The following PLCE1 variants were observed in gnomAD, a reference collection of about 807,000 sequenced individuals.
The protein encoded by PLCE1 is 1-phosphatidylinositol 4,5-bisphosphate phosphodiesterase epsilon-1.
In PLCE1, 119 loss-of-function variants were observed where a neutral mutation model predicts 242.8. That is an observed-to-expected ratio of 0.49 (90% confidence interval 0.42 to 0.57). The LOEUF (loss-of-function observed/expected upper bound fraction) is 0.57. Among genes scored for constraint, PLCE1 ranks in the 20% least tolerant of loss-of-function variants. The pLI, the probability that PLCE1 is intolerant of heterozygous loss-of-function variation, is 0.00. For missense variants in PLCE1, 2,441 were observed against 2,788.8 expected (o/e 0.88, Z 2.81); for synonymous variants, 945 against 1,017.4 (o/e 0.93, Z 1.35).
At chr10:94,207,814 C>A (rs1260829239) in intron 4 of PLCE1, among the ~76,000 whole-genome samples, 1 of 151,818 alleles carries the variant, frequency 6.6e-6, no homozygotes. Flanking sequence ...GGACCAGGTG[C>A]CACTTTGGGA....
chr10:94,008,191 CA>C (rs745999207), intron 1 of PLCE1, among the ~76,000 whole-genome samples: 3,026 of 55,210 alleles, frequency 0.055, 63 homozygotes, highest in African/African-American at 0.17. Flanking sequence ...GACCTTGTCT[CA>C]AAAAAAAAAA....
intron 2 of PLCE1, among the ~76,000 whole-genome samples, chr10:94,063,304 G>A (rs370805724): frequency 6.6e-6 from 1 of 152,074 alleles, no homozygotes; most frequent in Non-Finnish European, 1.5e-5. Flanking sequence ...CTTTCTCGTC[G>A]CTCTGTTCTG....
At chr10:94,201,250 C>A (rs2048976765) in intron 4 of PLCE1, among the ~76,000 whole-genome samples, 1 of 152,132 alleles carries the variant, frequency 6.6e-6, no homozygotes, top group Admixed American at 6.5e-5. Flanking sequence ...ACATCCACAC[C>A]AGCCCTTGTC....
chr10:94,220,381 TATATA>T (rs1208794907), intron 4 of PLCE1, among the ~76,000 whole-genome samples: 1 of 34,876 alleles, frequency 2.9e-5, no homozygotes, highest in African/African-American at 9.6e-5. Flanking sequence ...ACATTTTATA[TATATA>T]TATATATATA....
At chr10:94,119,047 A>G (rs1260738655) in intron 2 of PLCE1, among the ~76,000 whole-genome samples, 1 of 152,232 alleles carries the variant, frequency 6.6e-6, no homozygotes, top group African/African-American at 2.4e-5. Context: ...CTAGACAGGA[A>G]AAGTCCTAAG....
chr10:94,124,720 C>G (rs543166942), intron 2 of PLCE1, among the ~76,000 whole-genome samples: 1 of 152,296 alleles, frequency 6.6e-6, no homozygotes, highest in African/African-American at 2.4e-5. Flanking sequence ...TAATCCGTAT[C>G]TTGGTTTCTT....
intron 2 of PLCE1, chr10:94,081,964 TA>T (rs2044665426): frequency 6.6e-6 from 1 of 152,222 alleles, no homozygotes; most frequent in African/African-American, 2.4e-5. Flanking sequence ...AGAAAACTAA[TA>T]GACTTTGTTT....
intron 2 of PLCE1, among the ~76,000 whole-genome samples, chr10:94,045,424 T>C (rs994558245): frequency 6.6e-6 from 1 of 152,190 alleles, no homozygotes; most frequent in Admixed American, 6.5e-5. Flanking sequence ...GCATGAGCCA[T>C]GGTGTCTGGC....
Position 94,306,350 on chromosome 10 carries a change from G to C in PLCE1, c.5623-77G>C. 2 of 1,611,830 alleles carry C rather than the reference G, an allele frequency of 1.2e-6. No individual in the cohort carries two copies. Among genetic ancestry groups the C allele is most frequent in the South Asian group, 2.2e-5 (2 of 90,750 alleles). On this transcript the variant is annotated intron_variant, in intron 25 of 32. Coordinates refer to ENST00000371380, the MANE Select transcript of PLCE1 (RefSeq NM_016341.4). This position sits in a 1 kb window ranked among gnomAD's most constrained non-coding sequence, Gnocchi z 5.7. ...GTGTTCTTGGGATTCCTTTGCAGAG[G>C]GAAGCAGTGAGGTGCAGAGGTTGTC...
chr10:94,046,669 T>C (rs149093773), intron 2 of PLCE1, among the ~76,000 whole-genome samples: 1 of 152,284 alleles, frequency 6.6e-6, no homozygotes, highest in African/African-American at 2.4e-5. Flanking sequence ...GATCAAATTA[T>C]AACAGCTAAG....
chr10:94,217,800 G>C (rs1309440363), intron 4 of PLCE1, among the ~76,000 whole-genome samples: 1 of 152,136 alleles, frequency 6.6e-6, no homozygotes, highest in East Asian at 1.9e-4. Flanking sequence ...ACTGTCTCTT[G>C]CAAACTGTGG....
chr10:94,170,897 C>A (rs1056805763), intron 3 of PLCE1, among the ~76,000 whole-genome samples: 1 of 152,130 alleles, frequency 6.6e-6, no homozygotes, highest in Non-Finnish European at 1.5e-5. Flanking sequence ...TCATAGTAAA[C>A]TGGTTGGGGA....
chr10:94,187,604 C>T (rs2048524305), intron 4 of PLCE1, among the ~76,000 whole-genome samples: 2 of 152,028 alleles, frequency 1.3e-5, no homozygotes, highest in Non-Finnish European at 1.5e-5. Flanking sequence ...TCAGCCTCCC[C>T]AAGCAGCTTG....
intron 5 of PLCE1, among the ~76,000 whole-genome samples, chr10:94,232,093 A>C (rs766665061): frequency 6.6e-6 from 1 of 152,312 alleles, no homozygotes; most frequent in Non-Finnish European, 1.5e-5. Flanking sequence ...GAGAACCCCA[A>C]AGTACCAGTG....
chr10:94,296,281 G>A (rs2052810331), intron 23 of PLCE1, among the ~76,000 whole-genome samples: 1 of 151,422 alleles, frequency 6.6e-6, no homozygotes, highest in Non-Finnish European at 1.5e-5. Flanking sequence ...CAGGAGAATG[G>A]CGTGAACCCG....
intron 1 of PLCE1, among the ~76,000 whole-genome samples, chr10:94,021,535 T>TTG (rs796382360): frequency 4.6e-5 from 7 of 152,272 alleles, no homozygotes; most frequent in African/African-American, 1.7e-4. Flanking sequence ...ATTTGTACCT[T>TTG]TGTTGAAAAC....
At chr10:94,250,131 C>CAA (rs34113881) in intron 8 of PLCE1, among the ~76,000 whole-genome samples, 344 of 95,634 alleles carry the variant, frequency 3.6e-3, no homozygotes, top group African/African-American at 0.011. Flanking sequence ...GACTCTGTCT[C>CAA]AAAAAAAAAA....
At chr10:94,325,264 TA>T in intron 32 of PLCE1, 160 bp downstream of exon 32, 1 of 630,532 alleles carries the variant, frequency 1.6e-6, no homozygotes, top group Non-Finnish European at 2.8e-6. Flanking sequence ...GCTCTGAAGA[TA>T]TGTGTAACAT....
chr10:94,056,204 A>G (rs2043899041), intron 2 of PLCE1, among the ~76,000 whole-genome samples: 1 of 152,176 alleles, frequency 6.6e-6, no homozygotes, highest in Admixed American at 6.5e-5. Flanking sequence ...TTAAATTTAT[A>G]CAAATTACTC....
Sources: allele counts gnomAD v4.1 joint callset (sites outside exome capture counted in the v4.1 genomes callset), GRCh38; gene constraint gnomAD v4.1.1; non-coding constraint Gnocchi (gnomAD v3.1); transcripts MANE v1.5; gene names NCBI Gene and HGNC (gene_info 2026-07-23, HGNC 2026-07-21).